Variants in BIN1 observed in about 807,000 individuals in gnomAD.
BIN1 encodes bridging integrator 1, also known as myc box-dependent-interacting protein 1.
A neutral mutation model predicts 82.0 loss-of-function variants in BIN1; 53 were observed. That is an observed-to-expected ratio of 0.65 (90% CI 0.52 to 0.81). BIN1 has a LOEUF of 0.81. BIN1 is among the 40% of genes least tolerant of loss of function. The pLI is 0.00. For synonymous variants in BIN1, 302 were observed against 328.0 expected, an observed-to-expected ratio of 0.92 and a Z score of 0.86; for missense variants, 642 against 784.4, an observed-to-expected ratio of 0.82 and a Z score of 2.17.
Position 127,068,903 on chromosome 2 carries a change from C to T in BIN1, c.519+21G>A, listed in dbSNP as rs748783552. On this transcript the variant is annotated intron_variant, in intron 6 of 18. Transcript: ENST00000316724. This position sits in a 1 kb window ranked among gnomAD's most constrained non-coding sequence, Gnocchi z 4.9. ...TCTCAGCCCCCTGCAGACGCTGCCC[C>T]GACCCGCCTCCAGCCCTTACCTTGG... The T allele has an allele frequency of 4.4e-6, 7 of 1,607,248 alleles. No homozygotes were observed. The highest frequency in any genetic ancestry group is 1.7e-5 in the Admixed American group (1 of 59,998).
At chr2:127,088,740 T>TAAA (rs34767629) in intron 1 of BIN1, among the ~76,000 whole-genome samples, 35 of 138,492 alleles carry the variant, frequency 2.5e-4, no homozygotes, top group African/African-American at 7.7e-4. Context: ...CCGTATCTCT[T>TAAA]AAAAAAAAAA....
chr2:127,063,771 C>A, intron 8 of BIN1, 125 bp from the exon 9 acceptor site: 1 of 1,389,306 alleles, frequency 7.2e-7, no homozygotes. Context: ...GCCCAGGCAC[C>A]GCAGCACTCA....
At chr2:127,083,575 G>A (rs554365441) in intron 1 of BIN1, among the ~76,000 whole-genome samples, 5 of 152,224 alleles carry the variant, frequency 3.3e-5, no homozygotes, top group African/African-American at 1.2e-4. Context: ...CATCCAAAAT[G>A]TATTTTAAAA....
At position 127,093,829 on chromosome 2, in the gene BIN1, C is replaced by T. The variant is rs995586116; in HGVS notation, c.84+13031G>A. On this transcript the variant is annotated intron_variant, in intron 1 of 18. Coordinates refer to ENST00000316724, the MANE Select transcript of BIN1 (RefSeq NM_139343.3). This position sits in a 1 kb window ranked among gnomAD's most constrained non-coding sequence, Gnocchi z 5.7. ...TGCCGCTCTCTCTGGACAATCCCCT[C>T]CCCTTCCTTCCTTCCCAAGGCCTCA... is the stretch of plus-strand genomic sequence containing the variant. Among the ~76,000 whole-genome samples, 41 of 152,328 alleles carry T rather than the reference C, an allele frequency of 2.7e-4. 2 individuals carry two copies. The Middle Eastern group carries it at 0.01, about 38-fold the overall frequency.
intron 1 of BIN1, among the ~76,000 whole-genome samples, chr2:127,105,610 G>A (rs565270010): frequency 6.6e-6 from 1 of 152,160 alleles, no homozygotes; most frequent in East Asian, 1.9e-4. Context: ...GAAACACAGG[G>A]ATGAGCAGTA....
chr2:127,093,275 T>C lies in BIN1; in HGVS notation c.84+13585A>G, dbSNP rs147380195. On this transcript the variant is annotated intron_variant, in intron 1 of 18. Coordinates refer to ENST00000316724, the MANE Select transcript of BIN1 (RefSeq NM_139343.3). This position sits in a 1 kb window ranked among gnomAD's most constrained non-coding sequence, Gnocchi z 5.7. Reference sequence around the variant, plus strand: ...TGAAAGGCCTCAGAGGTAAGCTCTCTGTGACCTTCTCCTGCCCTTCTGTCT... The same window carrying C: ...TGAAAGGCCTCAGAGGTAAGCTCTCCGTGACCTTCTCCTGCCCTTCTGTCT... 1.3e-5 allele frequency among the ~76,000 whole-genome samples: 2 copies of C among 152,362 alleles called. No individual in the cohort carries two copies. The highest frequency in any genetic ancestry group is 1.9e-4 in the East Asian group (1 of 5,184).
chr2:127,105,503 T>TCCTCCTCCTCCTCCTCCTCCTCCTCC (rs1480065007), intron 1 of BIN1, among the ~76,000 whole-genome samples: 12 of 137,922 alleles, frequency 8.7e-5, no homozygotes, highest in East Asian at 2.4e-4. Context: ...CTCCTCCTCC[T>TCCTCCTCCTCCTCCTCCTCCTCCTCC]TCCCTGGGGT....
At chr2:127,069,097 G>A (rs1346189896) in intron 5 of BIN1, 66 bp from the exon 6 acceptor site, 10 of 1,483,524 alleles carry the variant, frequency 6.7e-6, no homozygotes, top group South Asian at 2.3e-5. Flanking sequence ...AGGTCCAGTG[G>A]ATCCTGGAGG....
chr2:127,073,272 G>A (rs193245231), intron 2 of BIN1, among the ~76,000 whole-genome samples: 236 of 152,338 alleles, frequency 1.5e-3, no homozygotes, highest in African/African-American at 2.5e-3. Context: ...GCTACCCTCC[G>A]CAGGGCAGCG....
chr2:127,092,519 C>T (rs1679064122), intron 1 of BIN1, among the ~76,000 whole-genome samples: 2 of 152,188 alleles, frequency 1.3e-5, no homozygotes, highest in African/African-American at 4.8e-5. Flanking sequence ...GTGCTGCTGA[C>T]TAAAGGCCCC....
chr2:127,049,172 C>T (rs1682557602), intron 18 of BIN1, among the ~76,000 whole-genome samples: 1 of 152,236 alleles, frequency 6.6e-6, no homozygotes, highest in African/African-American at 2.4e-5. Context: ...TGCAGCTGGG[C>T]TGTGCCTGGG....
At chr2:127,051,306 C>G in intron 15 of BIN1, 63 bp from the exon 16 acceptor site, 7 of 1,562,942 alleles carry the variant, frequency 4.5e-6, no homozygotes, top group Non-Finnish European at 2.6e-6. Flanking sequence ...ACACAGGAAA[C>G]AGGCCACAGG....
rs1167895825 is a variant in BIN1, at chr2:127,068,627, G to A, written c.519+297C>T. Among the ~76,000 whole-genome samples the A allele has an allele frequency of 6.6e-5, 10 of 152,184 alleles. No individual in the cohort carries two copies. Among genetic ancestry groups the A allele is most frequent in the African/African-American group, 1.7e-4 (7 of 41,454 alleles). On this transcript the variant is annotated intron_variant, in intron 6 of 18. Transcript: ENST00000316724. The surrounding 1 kb of genome is among the most constrained non-coding windows in gnomAD (Gnocchi z 4.9). The stretch of plus-strand genomic sequence containing the variant: ...TCGCGTGACGAATTCCACCCGGCTC[G>A]CCAGGCAGGGCGGCGCCGTTCCAGG...
At chr2:127,050,269 C>A in intron 18 of BIN1, 152 bp downstream of exon 18, 2 of 742,670 alleles carry the variant, frequency 2.7e-6, no homozygotes, top group Non-Finnish European at 4.7e-6. Flanking sequence ...AAAAGCCCGA[C>A]GTGGAGGGCG....
At chr2:127,083,519 A>G (rs188042811) in intron 1 of BIN1, among the ~76,000 whole-genome samples, 1 of 152,336 alleles carries the variant, frequency 6.6e-6, no homozygotes, top group African/African-American at 2.4e-5. Flanking sequence ...TCCTAAGAAC[A>G]AGAACATGCT....
chr2:127,058,615 C>G (rs1385615228), intron 11 of BIN1, among the ~76,000 whole-genome samples: 3 of 152,264 alleles, frequency 2.0e-5, no homozygotes, highest in Non-Finnish European at 2.9e-5. Flanking sequence ...CCCTCAGGCC[C>G]CTTTAAGAGA....
intron 1 of BIN1, among the ~76,000 whole-genome samples, chr2:127,092,387 C>T (rs550831435): frequency 1.8e-4 from 27 of 152,282 alleles, no homozygotes; most frequent in African/African-American, 6.3e-4. Context: ...TGTGTGACTT[C>T]AGCAGGTGCC....
intron 1 of BIN1, among the ~76,000 whole-genome samples, chr2:127,106,462 G>C (rs1681144545): frequency 6.6e-6 from 1 of 152,208 alleles, no homozygotes; most frequent in Non-Finnish European, 1.5e-5. Flanking sequence ...GCCCAGCCTA[G>C]GTTGCCTGCA....
At chr2:127,085,030 C>T (rs966121789) in intron 1 of BIN1, among the ~76,000 whole-genome samples, 3 of 152,208 alleles carry the variant, frequency 2.0e-5, no homozygotes, top group East Asian at 1.9e-4. Flanking sequence ...GTTCTCCCTC[C>T]ATCCCCCGCC....
Sources: allele counts gnomAD v4.1 joint callset (sites outside exome capture counted in the v4.1 genomes callset), GRCh38; gene constraint gnomAD v4.1.1; non-coding constraint Gnocchi (gnomAD v3.1); transcripts MANE v1.5; gene names NCBI Gene and HGNC (gene_info 2026-07-23, HGNC 2026-07-21).